STK32C: variants seen among roughly 807,000 people sequenced by gnomAD.
STK32C encodes serine/threonine-protein kinase 32C.
In STK32C, 31 loss-of-function variants were observed where a neutral mutation model predicts 56.5. The observed-to-expected ratio is 0.55, with a 90% CI of 0.41 to 0.74. The LOEUF (loss-of-function observed/expected upper bound fraction) is 0.74. STK32C is among the 30% of genes least tolerant of loss of function. STK32C has a pLI of 0.00. For synonymous variants in STK32C, 309 were observed against 289.4 expected (o/e 1.07, Z -0.69); for missense variants, 544 against 676.9 (o/e 0.80, Z 2.18).
At chr10:132,324,383 G>A (rs1353319150) in intron 1 of STK32C, 4 of 773,264 alleles carry the variant, frequency 5.2e-6, no homozygotes, top group Non-Finnish European at 9.6e-6. Flanking sequence ...CCTATATGAG[G>A]AAACAGAGGT....
intron 1 of STK32C, among the ~76,000 whole-genome samples, chr10:132,282,160 C>T (rs939024393): frequency 2.0e-5 from 3 of 152,206 alleles, no homozygotes; most frequent in South Asian, 2.1e-4. Context: ...TTGGGAAGAG[C>T]GGATGTGCTG....
intron 2 of STK32C, among the ~76,000 whole-genome samples, chr10:132,230,308 C>G (rs1248714008): frequency 6.6e-6 from 1 of 152,262 alleles, no homozygotes; most frequent in Admixed American, 6.5e-5. Flanking sequence ...CCGCTTCCCA[C>G]TGCCAACGGG....
At chr10:132,228,829 A>T (rs2062991639) in intron 2 of STK32C, among the ~76,000 whole-genome samples, 1 of 152,210 alleles carries the variant, frequency 6.6e-6, no homozygotes, top group Non-Finnish European at 1.5e-5. Flanking sequence ...CGTGAGGCCA[A>T]GGCCCCTCAC....
intron 1 of STK32C, among the ~76,000 whole-genome samples, chr10:132,271,416 C>A (rs186285931): frequency 6.6e-6 from 1 of 152,208 alleles, no homozygotes; most frequent in African/African-American, 2.4e-5. Flanking sequence ...GTTCCCAGAG[C>A]CCCCAGCTCC....
At chr10:132,256,179 C>A (rs1001064363) in intron 1 of STK32C, among the ~76,000 whole-genome samples, 7 of 152,230 alleles carry the variant, frequency 4.6e-5, no homozygotes, top group Non-Finnish European at 8.8e-5. Context: ...GTGGCAGCAG[C>A]CCACAGCTGA....
intron 2 of STK32C, among the ~76,000 whole-genome samples, chr10:132,243,061 C>T (rs975449747): frequency 6.6e-6 from 1 of 152,338 alleles, no homozygotes; most frequent in South Asian, 2.1e-4. Context: ...CTGGTCTGCA[C>T]CCCCCAGCCA....
chr10:132,310,637 T>C (rs1173105190), upstream of STK32C, among the ~76,000 whole-genome samples: 1 of 152,218 alleles, frequency 6.6e-6, no homozygotes, highest in Admixed American at 6.5e-5. The surrounding 1 kb of genome is among the most constrained non-coding windows in gnomAD (Gnocchi z 4.6). Flanking sequence ...TGTGTGCCCA[T>C]GCTGCCCGGG....
chr10:132,307,825 A>T lies in STK32C; in HGVS notation c.9T>A (p.Ser3Arg). The change falls in exon 1 of 12, where the codon AGT becomes AGA. Residue 3 changes from serine to arginine, a missense_variant. Transcript: ENST00000298630. This position sits in a 1 kb window ranked among gnomAD's most constrained non-coding sequence, Gnocchi z 4.4. ...CGCTGCTGCCCCTGCGCTCGGCGCC[A>T]CTCCTCATCGCCGGGTCTGGGTGCG... MR[S>R]GAERRGSSAA... 1.8e-6 allele frequency: 2 copies of T among 1,111,516 alleles called. No homozygotes were observed. The allele number at this position is 1,111,516 out of a possible 1,614,324, so 68.9% of individuals were successfully genotyped here.
At chr10:132,209,768 G>A (rs545695144) in intron 10 of STK32C, among the ~76,000 whole-genome samples, 10 of 152,108 alleles carry the variant, frequency 6.6e-5, no homozygotes, top group East Asian at 1.9e-4. Flanking sequence ...GGATGGTGAC[G>A]TTGGTCACTA....
At chr10:132,298,972 A>C (rs543391843) in intron 1 of STK32C, among the ~76,000 whole-genome samples, 1 of 152,338 alleles carries the variant, frequency 6.6e-6, no homozygotes, top group South Asian at 2.1e-4. Context: ...CTAGGCTATG[A>C]GGAAATTCAT....
chr10:132,238,009 G>C (rs1234184519), intron 2 of STK32C, among the ~76,000 whole-genome samples: 3 of 152,156 alleles, frequency 2.0e-5, no homozygotes, highest in Non-Finnish European at 4.4e-5. Context: ...TGGAGCCCCC[G>C]AGACTCTCCA....
chr10:132,309,644 A>G (rs2066183538), upstream of STK32C, among the ~76,000 whole-genome samples: 3 of 152,184 alleles, frequency 2.0e-5, no homozygotes, highest in Admixed American at 1.3e-4. Context: ...CAGTGGGTTC[A>G]GCACCTGCCT....
At chr10:132,299,378 C>T (rs2065848131) in intron 1 of STK32C, among the ~76,000 whole-genome samples, 1 of 150,862 alleles carries the variant, frequency 6.6e-6, no homozygotes, top group South Asian at 2.1e-4. Flanking sequence ...ATCCACCAGC[C>T]AACAGTGGAC....
chr10:132,294,307 G>A (rs2065669546), intron 1 of STK32C, among the ~76,000 whole-genome samples: 1 of 152,152 alleles, frequency 6.6e-6, no homozygotes, highest in Non-Finnish European at 1.5e-5. Context: ...CCTGCCATAG[G>A]TCGAGGCCAA....
intron 1 of STK32C, among the ~76,000 whole-genome samples, chr10:132,283,574 C>T (rs1001842766): frequency 6.6e-6 from 1 of 152,200 alleles, no homozygotes; most frequent in African/African-American, 2.4e-5. Context: ...GCACAGAAGG[C>T]CAGTGAAGGG....
At chr10:132,258,312 T>G (rs1430394318) in intron 1 of STK32C, among the ~76,000 whole-genome samples, 1 of 152,220 alleles carries the variant, frequency 6.6e-6, no homozygotes, top group Admixed American at 6.5e-5. Flanking sequence ...ACATTAGCAC[T>G]TGGTAGAGTG....
At chr10:132,238,636 T>G (rs2063383438) in intron 2 of STK32C, among the ~76,000 whole-genome samples, 1 of 151,920 alleles carries the variant, frequency 6.6e-6, no homozygotes, top group South Asian at 2.1e-4. Flanking sequence ...GGGGGTGAGC[T>G]GGGGGTTGCA....
At chr10:132,267,919 G>A (rs1220438848) in intron 1 of STK32C, among the ~76,000 whole-genome samples, 29 of 146,852 alleles carry the variant, frequency 2.0e-4, no homozygotes, top group African/African-American at 4.8e-4. Flanking sequence ...GTGTCAGTGC[G>A]TGTGCATGCA....
chr10:132,275,137 C>G (rs989950442), intron 1 of STK32C, among the ~76,000 whole-genome samples: 12 of 152,344 alleles, frequency 7.9e-5, no homozygotes, highest in Admixed American at 3.3e-4. Context: ...GTGCTGCCAT[C>G]TGGCCCATCA....
Sources: allele counts gnomAD v4.1 joint callset (sites outside exome capture counted in the v4.1 genomes callset), GRCh38; gene constraint gnomAD v4.1.1; non-coding constraint Gnocchi (gnomAD v3.1); transcripts MANE v1.5; gene names NCBI Gene and HGNC (gene_info 2026-07-23, HGNC 2026-07-21).